STK39: variants seen among roughly 807,000 people sequenced by gnomAD.
STK39 encodes serine/threonine kinase 39.
A neutral mutation model predicts 77.8 loss-of-function variants in STK39; 20 were observed. The ratio of observed to expected loss-of-function variants is 0.26; its 90% CI spans 0.18 to 0.37. The LOEUF (loss-of-function observed/expected upper bound fraction) is 0.37. STK39 is among the 10% of genes least tolerant of loss of function. STK39 has a pLI of 1.00. For missense variants in STK39, 479 were observed against 656.5 expected (o/e 0.73, Z 2.95); for synonymous variants, 246 against 234.1 (o/e 1.05, Z -0.47).
intron 2 of STK39, among the ~76,000 whole-genome samples, chr2:168,180,982 G>A (rs1689070126): frequency 1.3e-5 from 2 of 152,162 alleles, no homozygotes; most frequent in South Asian, 4.1e-4. Flanking sequence ...ATAGTGTACT[G>A]TAATTAAGCC....
At chr2:168,220,523 G>A (rs1013382340) in intron 1 of STK39, among the ~76,000 whole-genome samples, 1 of 152,114 alleles carries the variant, frequency 6.6e-6, no homozygotes, top group Non-Finnish European at 1.5e-5. Context: ...GCAGAGCAGC[G>A]ATTAATAGAG....
At chr2:168,052,079 C>T (rs1470906451) in intron 14 of STK39, among the ~76,000 whole-genome samples, 10 of 151,498 alleles carry the variant, frequency 6.6e-5, no homozygotes, top group Admixed American at 5.9e-4. Flanking sequence ...CAAATGTGAA[C>T]GATGAGAGTT....
rs936031992 is a variant in STK39, at chr2:168,110,188, G to A, written c.1089+19353C>T. The stretch of plus-strand genomic sequence containing the variant: ...ATTAAGTGTCTAATCTGTTAGGAAT[G>A]AAGTTATATGTATGTATGCTGTGAG... On this transcript the variant is annotated intron_variant, in intron 10 of 17. Coordinates refer to ENST00000355999, the MANE Select transcript of STK39 (RefSeq NM_013233.3). 4.6e-5 allele frequency among the ~76,000 whole-genome samples: 7 copies of A among 152,242 alleles called. No homozygotes were observed. The East Asian group carries it at 1.2e-3, about 25-fold the overall frequency.
At chr2:168,214,804 C>G (rs1689985324) in intron 1 of STK39, among the ~76,000 whole-genome samples, 1 of 152,086 alleles carries the variant, frequency 6.6e-6, no homozygotes, top group African/African-American at 2.4e-5. Context: ...TGAAAAAGGT[C>G]CTGCCCAGAC....
intron 5 of STK39, among the ~76,000 whole-genome samples, chr2:168,147,451 C>G (rs1315850715): frequency 6.6e-6 from 1 of 152,158 alleles, no homozygotes; most frequent in African/African-American, 2.4e-5. Flanking sequence ...GAGTAGAAAA[C>G]AGAAGCAAAT....
intron 1 of STK39, among the ~76,000 whole-genome samples, chr2:168,234,904 G>A (rs909225405): frequency 2.6e-5 from 4 of 151,858 alleles, no homozygotes; most frequent in South Asian, 2.1e-4. Context: ...TGTAGTCCCA[G>A]TACCTTGGGA....
rs76870499 is a variant in STK39, at chr2:168,007,782, G to A, written c.1498+4852C>T. Reference sequence around the variant, plus strand: ...AGGAGAAGAGACATCTGAGAAGTGAGAGGGGACACAGTGCAGAGGACTGGA... The same window carrying A: ...AGGAGAAGAGACATCTGAGAAGTGAAAGGGGACACAGTGCAGAGGACTGGA... On this transcript the variant is annotated intron_variant, in intron 16 of 17. Transcript: ENST00000355999. 9.0e-3 allele frequency among the ~76,000 whole-genome samples: 1,371 copies of A among 152,226 alleles called. 18 individuals are homozygous for A. The highest frequency in any genetic ancestry group is 0.031 in the African/African-American group (1,297 of 41,520).
intron 1 of STK39, among the ~76,000 whole-genome samples, chr2:168,210,348 C>T (rs1010648700): frequency 5.9e-5 from 9 of 152,118 alleles, no homozygotes; most frequent in African/African-American, 4.8e-5. Context: ...TTTTTTCCCA[C>T]CCCTTCTTGA....
intron 14 of STK39, among the ~76,000 whole-genome samples, chr2:168,027,736 C>G (rs563744656): frequency 1.3e-5 from 2 of 152,318 alleles, no homozygotes; most frequent in Admixed American, 1.3e-4. Context: ...TCTTCTGCAA[C>G]TGGAACCTCA....
intron 17 of STK39, among the ~76,000 whole-genome samples, chr2:167,958,383 C>A (rs1395454319): frequency 6.6e-6 from 1 of 151,908 alleles, no homozygotes; most frequent in Non-Finnish European, 1.5e-5. Flanking sequence ...AAAACTAAAA[C>A]ATTTTAAAAA....
At chr2:168,007,393 A>G (rs1004126418) in intron 16 of STK39, among the ~76,000 whole-genome samples, 2 of 152,210 alleles carry the variant, frequency 1.3e-5, no homozygotes, top group African/African-American at 4.8e-5. Flanking sequence ...ACAAATGTTT[A>G]TGGAGGGCCT....
At chr2:168,237,581 C>T (rs933009354) in intron 1 of STK39, among the ~76,000 whole-genome samples, 5 of 152,040 alleles carry the variant, frequency 3.3e-5, no homozygotes, top group Admixed American at 2.6e-4. Context: ...GGCTGTGGGT[C>T]TGTCATAGAT....
intron 14 of STK39, among the ~76,000 whole-genome samples, chr2:168,019,343 C>G (rs926747148): frequency 2.0e-5 from 3 of 152,148 alleles, no homozygotes; most frequent in African/African-American, 7.2e-5. Context: ...TGTAATTGTT[C>G]TATTTTATTA....
In STK39 at chr2:168,138,315, T is replaced by C. The variant is rs181415107; in HGVS notation, c.841-94A>G. ...TCATAAAAGTGTAAAAAACCATCCTTGATTAGATACAAAGTGCTTTCCCAT... is the reference window on the plus strand; with the variant it reads ...TCATAAAAGTGTAAAAAACCATCCTCGATTAGATACAAAGTGCTTTCCCAT... On this transcript the variant is annotated intron_variant, in intron 7 of 17. Coordinates refer to ENST00000355999, the MANE Select transcript of STK39 (RefSeq NM_013233.3). 168 of 1,461,018 alleles carry C rather than the reference T, an allele frequency of 1.1e-4. 1 individual carries two copies. In the African/African-American group the frequency reaches 2.3e-3, roughly 20 times the overall value. The allele number at this position is 1,461,018 out of a possible 1,614,324, so 90.5% of individuals were successfully genotyped here. A position where few individuals can be genotyped will look rare whatever the true frequency, so the allele number is the denominator to read the frequency against.
At chr2:167,977,535 C>A (rs909600721) in intron 16 of STK39, among the ~76,000 whole-genome samples, 5 of 143,230 alleles carry the variant, frequency 3.5e-5, no homozygotes, top group Admixed American at 2.1e-4. Flanking sequence ...ACCCAGAATT[C>A]ATCTGAGTTG....
intron 12 of STK39, among the ~76,000 whole-genome samples, chr2:168,069,249 T>G (rs1685877292): frequency 6.6e-6 from 1 of 152,202 alleles, no homozygotes; most frequent in East Asian, 1.9e-4. Flanking sequence ...AACAGCAGTC[T>G]TAAATGACAT....
intron 10 of STK39, among the ~76,000 whole-genome samples, chr2:168,086,735 C>T (rs1006502588): frequency 3.3e-5 from 5 of 152,158 alleles, no homozygotes; most frequent in African/African-American, 1.2e-4. Flanking sequence ...ACAAACATTG[C>T]TCTTCAGATA....
chr2:167,994,864 C>T (rs1683792594), intron 16 of STK39, among the ~76,000 whole-genome samples: 1 of 151,952 alleles, frequency 6.6e-6, no homozygotes, highest in African/African-American at 2.4e-5. Flanking sequence ...TGGGCCCCAA[C>T]AAAGTTAAAT....
intron 1 of STK39, among the ~76,000 whole-genome samples, chr2:168,208,014 G>C (rs1055768453): frequency 3.7e-4 from 56 of 152,170 alleles, no homozygotes; most frequent in African/African-American, 1.2e-3. Flanking sequence ...CACAGAAACT[G>C]GCTCATTATT....
Sources: allele counts gnomAD v4.1 joint callset (sites outside exome capture counted in the v4.1 genomes callset), GRCh38; gene constraint gnomAD v4.1.1; transcripts MANE v1.5; gene names NCBI Gene and HGNC (gene_info 2026-07-23, HGNC 2026-07-21).